SGCD: variants seen among roughly 807,000 people sequenced by gnomAD.
The protein encoded by SGCD is sarcoglycan delta, also known as delta-sarcoglycan.
A neutral mutation model predicts 36.6 loss-of-function variants in SGCD; 18 were observed. The ratio of observed to expected loss-of-function variants is 0.49; its 90% CI spans 0.34 to 0.73. The LOEUF is 0.73. Ranked by LOEUF, SGCD falls within the 30% of genes least tolerant of loss-of-function variation. The probability of loss-of-function intolerance (pLI) is 0.01; values close to 1 mark genes in which losing one functional copy is unlikely to be tolerated. For missense variants in SGCD, 387 were observed against 346.7 expected (o/e 1.12, Z -0.92); for synonymous variants, 133 against 130.6 (o/e 1.02, Z -0.12).
At chr5:156,142,169 T>G (rs933764643) in intron 3 of SGCD, among the ~76,000 whole-genome samples, 3 of 152,198 alleles carry the variant, frequency 2.0e-5, no homozygotes, top group Non-Finnish European at 2.9e-5. Flanking sequence ...CCTCCTGCTC[T>G]GGTCATGTGA....
chr5:156,668,586 C>A (rs980300280), intron 7 of SGCD, among the ~76,000 whole-genome samples: 11 of 152,138 alleles, frequency 7.2e-5, no homozygotes, highest in Non-Finnish European at 1.0e-4. Context: ...ACAAATTAAA[C>A]CTATGTGTTG....
chr5:156,722,062 C>T (rs1045522623), intron 7 of SGCD, among the ~76,000 whole-genome samples: 27 of 152,174 alleles, frequency 1.8e-4, no homozygotes, highest in Admixed American at 1.2e-3. Flanking sequence ...CTCTATAAGC[C>T]TTGAGTGCCC....
intron 6 of SGCD, among the ~76,000 whole-genome samples, chr5:156,614,063 C>T (rs1009714803): frequency 2.6e-4 from 39 of 152,180 alleles, no homozygotes; most frequent in Non-Finnish European, 5.0e-4. Flanking sequence ...TCTTGTGCCT[C>T]AGCCTCCTGA....
intron 1 of SGCD, among the ~76,000 whole-genome samples, chr5:155,883,722 G>T (rs139882698): frequency 1.7e-4 from 24 of 142,540 alleles, no homozygotes; most frequent in African/African-American, 6.4e-4. Context: ...TAAATGAAGT[G>T]TGTACATACT....
intron 1 of SGCD, among the ~76,000 whole-genome samples, chr5:156,005,693 G>A (rs1581038160): frequency 6.6e-6 from 1 of 152,118 alleles, no homozygotes; most frequent in African/African-American, 2.4e-5. Flanking sequence ...CTCATGATCC[G>A]CCCGCCTTGG....
At chr5:155,998,677 G>A (rs1035085802) in intron 1 of SGCD, among the ~76,000 whole-genome samples, 1 of 152,130 alleles carries the variant, frequency 6.6e-6, no homozygotes, top group South Asian at 2.1e-4. Flanking sequence ...CTTCATGCAG[G>A]AAAATACGTG....
chr5:156,040,074 C>T (rs1759597275), intron 1 of SGCD, among the ~76,000 whole-genome samples: 1 of 152,190 alleles, frequency 6.6e-6, no homozygotes, highest in Non-Finnish European at 1.5e-5. Flanking sequence ...CATCCAGCTT[C>T]TGACATAGGT....
At chr5:156,534,022 G>C (rs978621297) in intron 4 of SGCD, among the ~76,000 whole-genome samples, 1 of 152,092 alleles carries the variant, frequency 6.6e-6, no homozygotes, top group Non-Finnish European at 1.5e-5. Flanking sequence ...AGGTGTTCAT[G>C]TCAATCAATG....
At chr5:156,168,262 G>A (rs1344333902) in intron 3 of SGCD, among the ~76,000 whole-genome samples, 1 of 152,062 alleles carries the variant, frequency 6.6e-6, no homozygotes, top group African/African-American at 2.4e-5. Context: ...ATCATATTGT[G>A]CAAACTAGAA....
chr5:156,273,300 T>C (rs1232669382), intron 3 of SGCD, among the ~76,000 whole-genome samples: 1 of 152,202 alleles, frequency 6.6e-6, no homozygotes, highest in Non-Finnish European at 1.5e-5. Context: ...TTATAGTATG[T>C]CTTTTTTCAT....
intron 3 of SGCD, among the ~76,000 whole-genome samples, chr5:156,207,673 G>A (rs1165544182): frequency 6.6e-6 from 1 of 152,084 alleles, no homozygotes; most frequent in Non-Finnish European, 1.5e-5. Flanking sequence ...AAATTGTAAA[G>A]AGTCTATTGA....
Position 155,996,863 on chromosome 5 carries a change from G to GGATGGATAGATA in SGCD, c.-281-121012_-281-121011insGGATAGATAGAT, listed in dbSNP as rs367879360. ...TGGTAAATCTGATATCTGGATGGAT[G>GGATGGATAGATA]GATAGATAGATAGATAGATAGATAG... is the stretch of plus-strand genomic sequence containing the variant. On this transcript the variant is annotated intron_variant, in intron 1 of 9. Coordinates refer to the SGCD transcript ENST00000517913. 9.4e-3 allele frequency among the ~76,000 whole-genome samples: 1,255 copies of GGATGGATAGATA among 133,328 alleles called. 27 individuals are homozygous for GGATGGATAGATA. The highest frequency in any genetic ancestry group is 0.032 in the African/African-American group (1,209 of 37,666). The allele number at this position is 133,328 out of a possible 152,430, so 87.5% of individuals were successfully genotyped here.
chr5:156,025,363 C>T (rs2127574314), intron 1 of SGCD, among the ~76,000 whole-genome samples: 1 of 152,288 alleles, frequency 6.6e-6, no homozygotes, highest in Admixed American at 6.5e-5. Flanking sequence ...GGCTGAGAAT[C>T]TTCTATTTGC....
Position 156,621,517 on chromosome 5 carries a change from G to A in SGCD, c.503-25947G>A, listed in dbSNP as rs1360821919. 4.5e-5 allele frequency among the ~76,000 whole-genome samples: 6 copies of A among 133,272 alleles called. No homozygotes were observed. The East Asian group carries it at 8.6e-4, about 19-fold the overall frequency. 87.4% of individuals were successfully genotyped at this position (133,272 alleles called of 152,430 possible). A position where few individuals can be genotyped will look rare whatever the true frequency, so the allele number is the denominator to read the frequency against. On this transcript the variant is annotated intron_variant, in intron 6 of 8. Transcript: ENST00000337851. ...AAAGACAGATGTTTTAAGCATTTAC[G>A]TTAAAAAAAAAATGTGCGTTATGGG... is the stretch of plus-strand genomic sequence containing the variant.
At chr5:155,882,827 C>G (rs971932913) in intron 1 of SGCD, among the ~76,000 whole-genome samples, 1 of 152,196 alleles carries the variant, frequency 6.6e-6, no homozygotes, top group Non-Finnish European at 1.5e-5. Flanking sequence ...GTGGCATTAG[C>G]TCCTAACAAG....
At chr5:155,932,638 C>T (rs1314899699) in intron 1 of SGCD, among the ~76,000 whole-genome samples, 1 of 152,104 alleles carries the variant, frequency 6.6e-6, no homozygotes, top group Non-Finnish European at 1.5e-5. Context: ...AAACTGGACC[C>T]TTCATTGGAC....
At chr5:155,791,428 A>T in the SGCD span, among the ~76,000 whole-genome samples, 1 of 152,170 alleles carries the variant, frequency 6.6e-6, no homozygotes, top group Admixed American at 6.6e-5. Context: ...CAGGCAAGAG[A>T]AAGAAATAAA....
chr5:156,696,968 C>T (rs1266716148), intron 7 of SGCD, among the ~76,000 whole-genome samples: 2 of 142,466 alleles, frequency 1.4e-5, no homozygotes, highest in East Asian at 2.1e-4. Flanking sequence ...ACACACTTCA[C>T]CATAGAAAGA....
chr5:155,741,860 T>C, the SGCD span, among the ~76,000 whole-genome samples: 1 of 151,958 alleles, frequency 6.6e-6, no homozygotes, highest in Non-Finnish European at 1.5e-5. Flanking sequence ...ACCCAGCTAA[T>C]TTTTGGTAGA....
Sources: allele counts gnomAD v4.1 joint callset (sites outside exome capture counted in the v4.1 genomes callset), GRCh38; gene constraint gnomAD v4.1.1; transcripts MANE v1.5; gene names NCBI Gene and HGNC (gene_info 2026-07-23, HGNC 2026-07-21).